Variants in CBLB observed in about 807,000 individuals in gnomAD.
CBLB encodes E3 ubiquitin-protein ligase CBL-B.
Under a neutral mutation model 104.9 loss-of-function variants are expected in CBLB, and 31 were observed. That is an observed-to-expected ratio of 0.30 (90% CI 0.22 to 0.40). CBLB has a LOEUF of 0.40. Ranked by LOEUF, CBLB falls within the 10% of genes least tolerant of loss-of-function variation. The pLI is 1.00. For missense variants in CBLB, 1,062 were observed against 1,214.6 expected (o/e 0.87, Z 1.87); for synonymous variants, 440 against 422.6 (o/e 1.04, Z -0.51).
chr3:105,846,420 C>G (rs2090264677), intron 3 of CBLB, among the ~76,000 whole-genome samples: 2 of 151,956 alleles, frequency 1.3e-5, no homozygotes, highest in African/African-American at 4.8e-5. Context: ...TTAAGATTCT[C>G]TTGCAAATAA....
At chr3:105,753,124 A>C (rs2076738325) in intron 4 of CBLB, among the ~76,000 whole-genome samples, 1 of 152,216 alleles carries the variant, frequency 6.6e-6, no homozygotes, top group Non-Finnish European at 1.5e-5. Context: ...CCAGAGAAGC[A>C]GTCTGTGGGA....
chr3:105,711,958 G>T (rs969958016), intron 10 of CBLB, among the ~76,000 whole-genome samples: 1 of 152,134 alleles, frequency 6.6e-6, no homozygotes, highest in Non-Finnish European at 1.5e-5. Flanking sequence ...AATAAGAGCT[G>T]ATTTCTCTTT....
intron 4 of CBLB, among the ~76,000 whole-genome samples, chr3:105,773,302 C>T (rs184209989): frequency 6.6e-6 from 1 of 152,242 alleles, no homozygotes; most frequent in East Asian, 1.9e-4. Flanking sequence ...AACCAAATAT[C>T]GTATGTTCTC....
chr3:105,795,391 T>C lies in CBLB; in HGVS notation c.420-18849A>G, dbSNP rs1319761960. ...AGTATACATCATATAATTTCCTTTA[T>C]CTAAGAAACAGATACTTAGTTAGAT... On this transcript the variant is annotated intron_variant, in intron 3 of 18. Transcript: ENST00000394030. Among the ~76,000 whole-genome samples, 3 of 152,196 alleles carry C rather than the reference T, an allele frequency of 2.0e-5. No homozygotes were observed. In the East Asian group the frequency reaches 5.8e-4, roughly 29 times the overall value.
At chr3:105,673,969 A>G (rs1189019890) in intron 17 of CBLB, 2 of 152,220 alleles carry the variant, frequency 1.3e-5, no homozygotes, top group Admixed American at 6.5e-5. Context: ...AGAATACCCC[A>G]GCCCAGTATA....
At chr3:105,860,506 G>A (rs1040568644) in intron 2 of CBLB, among the ~76,000 whole-genome samples, 2 of 152,122 alleles carry the variant, frequency 1.3e-5, no homozygotes, top group Non-Finnish European at 2.9e-5. Context: ...CTAGGATCTG[G>A]CCCTAACATT....
intron 9 of CBLB, among the ~76,000 whole-genome samples, chr3:105,730,664 C>A (rs1350946277): frequency 6.6e-6 from 1 of 151,992 alleles, no homozygotes; most frequent in Non-Finnish European, 1.5e-5. Context: ...CAGGAGGATG[C>A]TTATTAATGA....
Position 105,754,523 on chromosome 3 carries a change from CAGAGAGAGAGAG to C in CBLB, c.567-2917_567-2906del, listed in dbSNP as rs1207514486. On this transcript the variant is annotated intron_variant, in intron 4 of 18. Transcript: ENST00000394030. ...AGAGAGAGAGAGAGAGAGAGAGAGA[CAGAGAGAGAGAG>C]AGAGAGAGAGAGAGAGAGAGAGAGA... Among the ~76,000 whole-genome samples the C allele has an allele frequency of 4.1e-3, 426 of 102,804 alleles. 5 individuals carry two copies. The highest frequency in any genetic ancestry group is 0.013 in the African/African-American group (341 of 26,114). The allele number at this position is 102,804 out of a possible 152,430, so 67.4% of individuals were successfully genotyped here.
At chr3:105,745,567 G>A (rs1055957798) in intron 6 of CBLB, among the ~76,000 whole-genome samples, 11 of 152,116 alleles carry the variant, frequency 7.2e-5, no homozygotes, top group Admixed American at 6.5e-4. Context: ...CTAAATGAAT[G>A]TCTTAAAAAT....
chr3:105,680,629 A>T (rs573228245), intron 16 of CBLB, among the ~76,000 whole-genome samples: 1 of 152,344 alleles, frequency 6.6e-6, no homozygotes, highest in African/African-American at 2.4e-5. Context: ...AGCAAAAGAT[A>T]CTGCAATTGT....
chr3:105,811,963 A>G (rs11914309), intron 3 of CBLB, among the ~76,000 whole-genome samples: 1,977 of 152,120 alleles, frequency 0.013, 46 homozygotes, highest in African/African-American at 0.044. Context: ...TTGCCCTCCC[A>G]AAGTGCTAGG....
chr3:105,806,359 G>A (rs114503610), intron 3 of CBLB, among the ~76,000 whole-genome samples: 152 of 151,460 alleles, frequency 1.0e-3, no homozygotes, highest in Non-Finnish European at 1.9e-3. Context: ...ACCTCTGGAC[G>A]AGGAATACAA....
upstream of CBLB, chr3:105,869,389 C>G: frequency 7.5e-7 from 1 of 1,341,556 alleles, no homozygotes; most frequent in Non-Finnish European, 9.9e-7. Flanking sequence ...CCAAAGCCAT[C>G]TGGGGCTGAA....
rs927782045 is a variant in CBLB at position 105,685,533 on chromosome 3, C to T, written c.2055-67G>A. The stretch of plus-strand genomic sequence containing the variant: ...TTCAAAACAGGCAAGTCTGATGTGA[C>T]ATATTCAAGTCAAAGAAGCTACTTT... On this transcript the variant is annotated intron_variant, in intron 13 of 18. Transcript: ENST00000394030. 24 of 1,293,498 alleles carry T rather than the reference C, an allele frequency of 1.9e-5. No individual in the cohort carries two copies. The African/African-American group carries it at 3.4e-4, about 18-fold the overall frequency. 80.1% of individuals were successfully genotyped at this position (1,293,498 alleles called of 1,614,324 possible).
chr3:105,807,123 C>A (rs1252188489), intron 3 of CBLB, among the ~76,000 whole-genome samples: 4 of 152,086 alleles, frequency 2.6e-5, no homozygotes, highest in Admixed American at 2.6e-4. Flanking sequence ...CAATAGAATA[C>A]CATTATATGA....
At chr3:105,771,463 G>A (rs1217832268) in intron 4 of CBLB, among the ~76,000 whole-genome samples, 1 of 151,894 alleles carries the variant, frequency 6.6e-6, no homozygotes, top group Admixed American at 6.6e-5. Flanking sequence ...TTCCCCCTGA[G>A]AATTGTAACC....
intron 4 of CBLB, among the ~76,000 whole-genome samples, chr3:105,760,490 C>A (rs983852357): frequency 1.3e-5 from 2 of 152,000 alleles, no homozygotes; most frequent in African/African-American, 4.8e-5. Context: ...ATGCAAGATA[C>A]CTTTGATATG....
chr3:105,797,978 A>G (rs2082422233), intron 3 of CBLB, among the ~76,000 whole-genome samples: 1 of 152,246 alleles, frequency 6.6e-6, no homozygotes, highest in Non-Finnish European at 1.5e-5. Flanking sequence ...TGCAAGGGCC[A>G]GTCACTGAGC....
chr3:105,778,795 A>G (rs2079791872), intron 3 of CBLB, among the ~76,000 whole-genome samples: 1 of 152,200 alleles, frequency 6.6e-6, no homozygotes. Context: ...TTTGATATCA[A>G]TATGATTTTG....
Sources: gnomAD v4.1 joint callset for allele counts (sites outside exome capture counted in the v4.1 genomes callset) on GRCh38, gnomAD v4.1.1 for gene constraint, MANE v1.5 for transcripts, NCBI Gene and HGNC (gene_info 2026-07-23, HGNC 2026-07-21) for gene names.